FHIT: variants seen among roughly 807,000 people sequenced by gnomAD.
FHIT encodes the protein bis(5'-adenosyl)-triphosphatase.
FHIT carries 19 observed loss-of-function variants against 17.9 expected under a neutral mutation model. The ratio of observed to expected loss-of-function variants is 1.06; its 90% confidence interval spans 0.74 to 1.56. FHIT has a LOEUF of 1.56. Among genes scored for constraint, FHIT ranks in the 40% most tolerant of loss-of-function variants. The pLI, the probability that FHIT is intolerant of heterozygous loss-of-function variation, is 0.00. For missense variants in FHIT, 248 were observed against 189.2 expected (o/e 1.31, Z -1.82); for synonymous variants, 81 against 69.7 (o/e 1.16, Z -0.81).
At chr3:60,255,508 G>A (rs964479706) in intron 5 of FHIT, among the ~76,000 whole-genome samples, 6 of 151,968 alleles carry the variant, frequency 3.9e-5, no homozygotes, top group African/African-American at 9.7e-5. Context: ...CACCCGGGGC[G>A]ACAAACCCAA....
intron 3 of FHIT, among the ~76,000 whole-genome samples, chr3:60,990,952 C>T (rs2030153402): frequency 6.6e-6 from 1 of 152,112 alleles, no homozygotes; most frequent in Non-Finnish European, 1.5e-5. Flanking sequence ...GCGCCAGGTA[C>T]TTTTCTAGAG....
intron 5 of FHIT, among the ~76,000 whole-genome samples, chr3:60,372,960 TGAAG>T: frequency 6.6e-6 from 1 of 152,328 alleles, no homozygotes; most frequent in South Asian, 2.1e-4. Context: ...CATAATCAAA[TGAAG>T]GACTCATTTC....
chr3:59,860,181 T>G (rs973257654), intron 8 of FHIT, among the ~76,000 whole-genome samples: 13 of 152,136 alleles, frequency 8.5e-5, no homozygotes, highest in Admixed American at 1.3e-4. Flanking sequence ...TAGCATAAGT[T>G]TAATGGGAAA....
intron 8 of FHIT, among the ~76,000 whole-genome samples, chr3:59,766,166 G>A (rs2106808330): frequency 6.6e-6 from 1 of 152,202 alleles, no homozygotes; most frequent in East Asian, 1.9e-4. Flanking sequence ...TTTGTTCTGG[G>A]CAATGGGTTT....
chr3:60,621,379 G>C (rs903375588), intron 4 of FHIT, among the ~76,000 whole-genome samples: 9 of 151,834 alleles, frequency 5.9e-5, no homozygotes, highest in African/African-American at 2.2e-4. Context: ...TCGAACTCCT[G>C]ACCTCATGAT....
intron 3 of FHIT, among the ~76,000 whole-genome samples, chr3:60,942,406 G>A (rs2121843): frequency 0.88 from 133,796 of 152,108 alleles, 61,383 homozygotes; most frequent in East Asian, 1. Flanking sequence ...TGTATATCAT[G>A]GATATATATA....
intron 5 of FHIT, among the ~76,000 whole-genome samples, chr3:60,195,170 A>C (rs2107477458): frequency 6.6e-6 from 1 of 152,204 alleles, no homozygotes; most frequent in African/African-American, 2.4e-5. Flanking sequence ...TTGTCTCAAA[A>C]AAACAAAAAC....
At chr3:60,703,999 A>T (rs1165963013) in intron 4 of FHIT, among the ~76,000 whole-genome samples, 2 of 152,176 alleles carry the variant, frequency 1.3e-5, no homozygotes, top group East Asian at 3.9e-4. Context: ...TTTTTTTTAA[A>T]AAAAATCTAG....
intron 7 of FHIT, among the ~76,000 whole-genome samples, chr3:60,004,239 T>C (rs561378566): frequency 7.2e-5 from 11 of 152,252 alleles, no homozygotes; most frequent in Admixed American, 7.2e-4. Flanking sequence ...GAGCCTCAGG[T>C]GTAAAAGACA....
At chr3:60,434,181 C>CG (rs954684375) in intron 5 of FHIT, among the ~76,000 whole-genome samples, 1 of 151,978 alleles carries the variant, frequency 6.6e-6, no homozygotes, top group Non-Finnish European at 1.5e-5. Flanking sequence ...TTGTCTGTAC[C>CG]GTTTCTCTCA....
chr3:60,106,308 G>A (rs927587266), intron 5 of FHIT, among the ~76,000 whole-genome samples: 3 of 152,260 alleles, frequency 2.0e-5, no homozygotes, highest in Non-Finnish European at 2.9e-5. Flanking sequence ...TCCTGATTTA[G>A]TAAAGAGAAG....
At chr3:60,868,165 T>C (rs1203062751) in intron 3 of FHIT, among the ~76,000 whole-genome samples, 2 of 152,160 alleles carry the variant, frequency 1.3e-5, no homozygotes, top group African/African-American at 4.8e-5. Flanking sequence ...AATAACAGGA[T>C]TATTGATGCC....
chr3:61,047,670 C>T (rs1329671481), intron 2 of FHIT, among the ~76,000 whole-genome samples: 2 of 152,188 alleles, frequency 1.3e-5, no homozygotes, highest in South Asian at 2.1e-4. Context: ...GCCCACATTG[C>T]TAAGTCAATC....
At chr3:60,338,701 T>A (rs377659388) in intron 5 of FHIT, among the ~76,000 whole-genome samples, 1 of 152,158 alleles carries the variant, frequency 6.6e-6, no homozygotes, top group South Asian at 2.1e-4. Flanking sequence ...GTATGACATA[T>A]CTGAACAGCA....
intron 5 of FHIT, among the ~76,000 whole-genome samples, chr3:60,441,797 T>C (rs1318456269): frequency 1.3e-4 from 16 of 120,464 alleles, no homozygotes; most frequent in African/African-American, 4.3e-4. Flanking sequence ...TATATATATA[T>C]ATATATATAT....
chr3:60,020,612 G>C (rs1163294234), intron 5 of FHIT, among the ~76,000 whole-genome samples: 1 of 152,176 alleles, frequency 6.6e-6, no homozygotes, highest in Non-Finnish European at 1.5e-5. Flanking sequence ...TCTGTGTGTA[G>C]TTTAGTGATA....
chr3:60,175,724 C>T (rs1485229638), intron 5 of FHIT, among the ~76,000 whole-genome samples: 1 of 152,116 alleles, frequency 6.6e-6, no homozygotes, highest in East Asian at 1.9e-4. Flanking sequence ...TCTACCTCCT[C>T]TAAAAATTAG....
At chr3:60,158,352 C>T (rs904571692) in intron 5 of FHIT, among the ~76,000 whole-genome samples, 1 of 151,874 alleles carries the variant, frequency 6.6e-6, no homozygotes, top group Non-Finnish European at 1.5e-5. Context: ...AGAATCTCTG[C>T]CCAGTCTGGA....
At chr3:60,976,096 C>CTTTTTCTTTTTTTTTTTTTTTTTTTTT (rs1424446334) in intron 3 of FHIT, among the ~76,000 whole-genome samples, 2 of 66,756 alleles carry the variant, frequency 3.0e-5, no homozygotes, top group African/African-American at 1.3e-4. Flanking sequence ...TTTTCTTTTT[C>CTTTTTCTTTTTTTTTTTTTTTTTTTTT]TTTTTTTTTT....
Sources: gnomAD v4.1 joint callset for allele counts (sites outside exome capture counted in the v4.1 genomes callset) on GRCh38, gnomAD v4.1.1 for gene constraint, MANE v1.5 for transcripts, NCBI Gene and HGNC (gene_info 2026-07-23, HGNC 2026-07-21) for gene names.